Variants in MYO3A observed in about 807,000 individuals in gnomAD.
MYO3A encodes the protein myosin-IIIa.
A neutral mutation model predicts 192.7 loss-of-function variants in MYO3A; 180 were observed. That is an observed-to-expected ratio of 0.93 (90% CI 0.83 to 1.06). The LOEUF (loss-of-function observed/expected upper bound fraction) is 1.06, where lower values mean the gene tolerates loss of function less well. Among genes scored for constraint, MYO3A ranks in the 50% least tolerant of loss-of-function variants. The probability of loss-of-function intolerance (pLI) is 0.00; values close to 1 mark genes in which losing one functional copy is unlikely to be tolerated. For missense variants in MYO3A, 1,896 were observed against 1,905.0 expected (o/e 1.00, Z 0.09); for synonymous variants, 628 against 645.3 (o/e 0.97, Z 0.41).
chr10:26,061,271 T>A (rs536891297), intron 10 of MYO3A, among the ~76,000 whole-genome samples: 2 of 152,234 alleles, frequency 1.3e-5, no homozygotes, highest in South Asian at 4.2e-4. Context: ...CATAAAAGGA[T>A]GAATAACACT....
At chr10:26,073,902 G>A (rs544492387) in intron 14 of MYO3A, among the ~76,000 whole-genome samples, 22 of 151,924 alleles carry the variant, frequency 1.4e-4, no homozygotes, top group Admixed American at 2.0e-4. Flanking sequence ...GACTGCGATG[G>A]GGATTACATG....
At chr10:26,197,407 C>T (rs913276140) in intron 32 of MYO3A, among the ~76,000 whole-genome samples, 4 of 152,134 alleles carry the variant, frequency 2.6e-5, no homozygotes, top group Admixed American at 2.0e-4. Flanking sequence ...CTATGTTTAT[C>T]AAAAAGAACA....
At chr10:26,060,091 C>T (rs983603327) in intron 10 of MYO3A, among the ~76,000 whole-genome samples, 2 of 152,122 alleles carry the variant, frequency 1.3e-5, no homozygotes, top group East Asian at 3.9e-4. Flanking sequence ...AACTCCATCT[C>T]TACTAAAAAT....
At chr10:26,175,923 A>G (rs1327101151) in intron 30 of MYO3A, among the ~76,000 whole-genome samples, 1 of 152,210 alleles carries the variant, frequency 6.6e-6, no homozygotes, top group Non-Finnish European at 1.5e-5. Flanking sequence ...TCTCAGAGCC[A>G]GGATGCGGAC....
intron 9 of MYO3A, among the ~76,000 whole-genome samples, chr10:26,024,979 C>CTAGCAGAGTAACTCCTAGCAG (rs1842475010): frequency 6.6e-6 from 1 of 152,170 alleles, no homozygotes; most frequent in Non-Finnish European, 1.5e-5. Context: ...ACTGTAACTC[C>CTAGCAGAGTAACTCCTAGCAG]AGTGTCTAGC....
In MYO3A at chr10:26,144,553, G is replaced by A. The variant is rs184929794; in HGVS notation, c.2417-893G>A. Among the ~76,000 whole-genome samples, 8 of 152,064 alleles carry A rather than the reference G, an allele frequency of 5.3e-5. No homozygotes were observed. The East Asian group carries it at 5.8e-4, about 11-fold the overall frequency. ...ATGATCCTTCTAGAATAAGTTCTCC[G>A]AAGGTGGCAAAATTGTTATAGAAAT... On this transcript the variant is annotated intron_variant, in intron 21 of 34. Transcript: ENST00000642920.
At chr10:26,098,005 A>G (rs1376503698) in intron 17 of MYO3A, among the ~76,000 whole-genome samples, 4 of 152,194 alleles carry the variant, frequency 2.6e-5, no homozygotes, top group Non-Finnish European at 4.4e-5. Context: ...GTTTTCCACA[A>G]TGGTTGAACT....
chr10:26,096,652 A>G lies in MYO3A; in HGVS notation c.1746A>G (p.Gln582=), dbSNP rs775168365. 1.1e-5 allele frequency: 17 copies of G among 1,593,818 alleles called. No individual in the cohort carries two copies. The highest frequency in any genetic ancestry group is 1.3e-5 in the Non-Finnish European group (15 of 1,161,580). The change falls in exon 17 of 35, where the codon CAA becomes CAG. Residue 582 remains glutamine, a synonymous_variant. Coordinates refer to ENST00000642920, the MANE Select transcript of MYO3A (RefSeq NM_017433.5). ...FYKSQYELIE[Q]CFKVIGFTME... ...AATCCCAGTATGAATTAATTGAGCA[A>G]TGTTTCAAAGTCATAGGTTTTACAA...
chr10:25,972,556 A>C (rs770845722), intron 4 of MYO3A, among the ~76,000 whole-genome samples: 2 of 152,176 alleles, frequency 1.3e-5, no homozygotes, highest in Admixed American at 1.3e-4. Context: ...TTAAATTATT[A>C]TAAGAAGTCT....
At chr10:26,209,042 A>G (rs1844103222) in intron 34 of MYO3A, among the ~76,000 whole-genome samples, 4 of 151,848 alleles carry the variant, frequency 2.6e-5, no homozygotes. Flanking sequence ...ACTCTTTCAA[A>G]CTTCCTCCTC....
At position 26,134,300 on chromosome 10, in the gene MYO3A, C is replaced by T. The variant is rs11014966; in HGVS notation, c.2262+5762C>T. ...CATATTCTGAATTAATGACTTGTGT[C>T]ATCTCAAGTTAATGATGGCCAGCAT... is the stretch of plus-strand genomic sequence containing the variant. On this transcript the variant is annotated intron_variant, in intron 20 of 34. Coordinates refer to ENST00000642920, the MANE Select transcript of MYO3A (RefSeq NM_017433.5). 1.4e-3 allele frequency among the ~76,000 whole-genome samples: 218 copies of T among 152,182 alleles called. 5 individuals carry two copies. In the East Asian group the frequency reaches 0.04, roughly 28 times the overall value.
Position 26,201,446 on chromosome 10 carries a change from C to T in MYO3A, c.4586+141C>T, listed in dbSNP as rs1843666720. 9.0e-6 allele frequency: 4 copies of T among 445,766 alleles called. No homozygotes were observed. In the South Asian group the frequency reaches 1.2e-4, roughly 13 times the overall value. The allele number at this position is 445,766 out of a possible 1,614,324, so 27.6% of individuals were successfully genotyped here. On this transcript the variant is annotated intron_variant, in intron 33 of 34. Transcript: ENST00000642920. Reference sequence around the variant, plus strand: ...CTGTAATCCCAGAACTTTGGGAGGCCGAGGCGGGTGGATCACGAGGTCAGG... The same window carrying T: ...CTGTAATCCCAGAACTTTGGGAGGCTGAGGCGGGTGGATCACGAGGTCAGG...
At chr10:26,160,417 A>C (rs536549424) in intron 26 of MYO3A, among the ~76,000 whole-genome samples, 2 of 152,224 alleles carry the variant, frequency 1.3e-5, no homozygotes, top group African/African-American at 4.8e-5. Context: ...CTAATGCAGA[A>C]GGATCATTTG....
At chr10:25,949,999 A>G (rs1205981146) in intron 2 of MYO3A, among the ~76,000 whole-genome samples, 1 of 152,146 alleles carries the variant, frequency 6.6e-6, no homozygotes, top group Non-Finnish European at 1.5e-5. Context: ...TGTACTAGGC[A>G]TTGTTTTCGG....
chr10:26,047,077 ATGG>A (rs1843671437), intron 10 of MYO3A, among the ~76,000 whole-genome samples: 1 of 152,230 alleles, frequency 6.6e-6, no homozygotes. Flanking sequence ...GCTTCATTAA[ATGG>A]ACTCAATTGT....
chr10:26,087,867 G>A (rs1318160649), intron 14 of MYO3A, among the ~76,000 whole-genome samples: 1 of 152,196 alleles, frequency 6.6e-6, no homozygotes, highest in African/African-American at 2.4e-5. Context: ...TATTTGGATG[G>A]GGGCCCACGC....
At chr10:25,975,112 TG>T (rs1838892533) in intron 4 of MYO3A, among the ~76,000 whole-genome samples, 1 of 152,190 alleles carries the variant, frequency 6.6e-6, no homozygotes, top group Non-Finnish European at 1.5e-5. Context: ...GGGAGGCATG[TG>T]CACGCACAGT....
intron 4 of MYO3A, among the ~76,000 whole-genome samples, chr10:25,960,293 T>C (rs1191141635): frequency 2.0e-5 from 3 of 152,164 alleles, no homozygotes; most frequent in African/African-American, 7.2e-5. Flanking sequence ...CAAAAATCTT[T>C]CATCATCTGA....
At chr10:26,203,232 G>A in intron 34 of MYO3A, 125 bp downstream of exon 34, 1 of 1,067,876 alleles carries the variant, frequency 9.4e-7, no homozygotes, top group Non-Finnish European at 1.4e-6. Context: ...CATCTTTGGA[G>A]TGATATGGTG....
Sources: allele counts gnomAD v4.1 joint callset (sites outside exome capture counted in the v4.1 genomes callset), GRCh38; gene constraint gnomAD v4.1.1; transcripts MANE v1.5; gene names NCBI Gene and HGNC (gene_info 2026-07-23, HGNC 2026-07-21).